The following TMEM108 variants were observed in gnomAD, a reference collection of about 807,000 sequenced individuals.
The protein encoded by TMEM108 is cancer/testis antigen 124.
In TMEM108, 12 loss-of-function variants were observed where a neutral mutation model predicts 35.1. That is an observed-to-expected ratio of 0.34 (90% confidence interval 0.22 to 0.55). The LOEUF is 0.55. Ranked by LOEUF, TMEM108 falls within the 20% of genes least tolerant of loss-of-function variation. The pLI, the probability that TMEM108 is intolerant of heterozygous loss-of-function variation, is 0.89. For synonymous variants in TMEM108, 287 were observed against 308.6 expected (o/e 0.93, Z 0.73); for missense variants, 680 against 753.3 (o/e 0.90, Z 1.14).
At chr3:133,041,969 C>T (rs912586708) in intron 1 of TMEM108, 2 of 152,218 alleles carry the variant, frequency 1.3e-5, no homozygotes, top group African/African-American at 4.8e-5. Context: ...ATTCTTAATT[C>T]GTTTCTTCTA....
intron 3 of TMEM108, among the ~76,000 whole-genome samples, chr3:133,335,111 C>A: frequency 6.6e-6 from 1 of 152,008 alleles, no homozygotes; most frequent in East Asian, 1.9e-4. Context: ...AAAATAAAAG[C>A]AATACAAGCA....
chr3:133,346,660 T>G lies in TMEM108; in HGVS notation c.41-33092T>G, dbSNP rs1465093276. 6.6e-6 allele frequency among the ~76,000 whole-genome samples: 1 copy of G among 152,094 alleles called. No individual in the cohort carries two copies. Among genetic ancestry groups the G allele is most frequent in the South Asian group, 2.1e-4 (1 of 4,834 alleles). Reference sequence around the variant, plus strand: ...AGTTTTAAATTTAATAAAGTCCAGCTTATCATTTTTTTCTTTCATAGGCTT... The same window carrying G: ...AGTTTTAAATTTAATAAAGTCCAGCGTATCATTTTTTTCTTTCATAGGCTT... On this transcript the variant is annotated intron_variant, in intron 3 of 5. Transcript: ENST00000321871. This position sits in a 1 kb window ranked among gnomAD's most constrained non-coding sequence, Gnocchi z 4.0.
intron 2 of TMEM108, among the ~76,000 whole-genome samples, chr3:133,057,789 A>G (rs1943488720): frequency 1.3e-5 from 2 of 152,204 alleles, no homozygotes; most frequent in Non-Finnish European, 2.9e-5. Flanking sequence ...CAGAAATATT[A>G]TCTAGTTTAA....
chr3:133,266,806 C>T (rs552366442), intron 3 of TMEM108, among the ~76,000 whole-genome samples: 34 of 151,688 alleles, frequency 2.2e-4, no homozygotes, highest in Non-Finnish European at 4.0e-4. Flanking sequence ...GGCGTGGTGG[C>T]TCATGCCTGT....
At chr3:133,236,334 A>G (rs1256610075) in intron 3 of TMEM108, among the ~76,000 whole-genome samples, 1 of 152,100 alleles carries the variant, frequency 6.6e-6, no homozygotes, top group Non-Finnish European at 1.5e-5. Flanking sequence ...GGAGGGGAAG[A>G]AGGAGAAAAA....
intron 2 of TMEM108, among the ~76,000 whole-genome samples, chr3:133,123,280 A>G (rs1944375990): frequency 6.6e-6 from 1 of 152,190 alleles, no homozygotes; most frequent in Admixed American, 6.5e-5. Context: ...TCTTGTTGCA[A>G]ACAATACTGC....
intron 2 of TMEM108, among the ~76,000 whole-genome samples, chr3:133,165,179 C>T (rs1576355123): frequency 6.6e-6 from 1 of 152,136 alleles, no homozygotes; most frequent in African/African-American, 2.4e-5. Flanking sequence ...ACTCTTCAGG[C>T]TCAAAAGAGA....
chr3:133,213,919 CT>C (rs889872389), intron 2 of TMEM108, among the ~76,000 whole-genome samples: 1 of 152,062 alleles, frequency 6.6e-6, no homozygotes, highest in African/African-American at 2.4e-5. Flanking sequence ...ATTTATACCC[CT>C]AAGAGTAATT....
Position 133,367,028 on chromosome 3 carries a change from C to T in TMEM108, c.41-12724C>T, listed in dbSNP as rs147051905. Among the ~76,000 whole-genome samples the T allele has an allele frequency of 2.2e-3, 329 of 152,298 alleles. 1 individual carries two copies. The highest frequency in any genetic ancestry group is 3.6e-3 in the Non-Finnish European group (245 of 68,020). On this transcript the variant is annotated intron_variant, in intron 3 of 5. Transcript: ENST00000321871. ...ATAGCATTTTCACTTAGCGCCCTCC[C>T]CCTAACAACCTCCACCTGTCAACTT... is the stretch of plus-strand genomic sequence containing the variant.
chr3:133,210,590 C>T (rs1286180607), intron 2 of TMEM108, among the ~76,000 whole-genome samples: 1 of 50,848 alleles, frequency 2.0e-5, no homozygotes, highest in Non-Finnish European at 3.4e-5. Context: ...TCTAGCCTTC[C>T]AGTCATCAAA....
At chr3:133,115,618 C>CA (rs1491282866) in intron 2 of TMEM108, among the ~76,000 whole-genome samples, 1 of 152,222 alleles carries the variant, frequency 6.6e-6, no homozygotes, top group African/African-American at 2.4e-5. Flanking sequence ...ATGCCTCTCT[C>CA]ACTGATCAGG....
At chr3:133,061,717 A>G (rs1001695234) in intron 2 of TMEM108, among the ~76,000 whole-genome samples, 1 of 152,130 alleles carries the variant, frequency 6.6e-6, no homozygotes, top group Non-Finnish European at 1.5e-5. Flanking sequence ...GTTCCCTAGG[A>G]ATTTAAAGTT....
chr3:133,083,589 C>G (rs2107700161), intron 2 of TMEM108, among the ~76,000 whole-genome samples: 1 of 152,254 alleles, frequency 6.6e-6, no homozygotes, highest in East Asian at 1.9e-4. Flanking sequence ...TTTGTTGTGT[C>G]TAATTCATTT....
chr3:133,298,639 A>T (rs911670773), intron 3 of TMEM108, among the ~76,000 whole-genome samples: 1 of 152,132 alleles, frequency 6.6e-6, no homozygotes, highest in African/African-American at 2.4e-5. Context: ...AATGCAGTTC[A>T]TTCTCATAAT....
At chr3:133,316,968 A>G (rs2071207469) in intron 3 of TMEM108, among the ~76,000 whole-genome samples, 1 of 152,228 alleles carries the variant, frequency 6.6e-6, no homozygotes, top group Non-Finnish European at 1.5e-5. Context: ...TCTGTAAGTA[A>G]AAGGGATCTG....
At chr3:133,209,648 C>A (rs1474220949) in intron 2 of TMEM108, among the ~76,000 whole-genome samples, 12 of 152,136 alleles carry the variant, frequency 7.9e-5, no homozygotes, top group Admixed American at 7.9e-4. Context: ...TGGCTATGGT[C>A]CCCAGCGGGG....
intron 2 of TMEM108, among the ~76,000 whole-genome samples, chr3:133,222,543 TC>T (rs1300986284): frequency 6.6e-5 from 10 of 152,102 alleles, no homozygotes; most frequent in African/African-American, 2.2e-4. Context: ...GCTCCACTAA[TC>T]CCATAAGCTC....
intron 3 of TMEM108, among the ~76,000 whole-genome samples, chr3:133,280,982 A>G (rs1227043258): frequency 6.6e-6 from 1 of 152,214 alleles, no homozygotes; most frequent in Non-Finnish European, 1.5e-5. Flanking sequence ...CACTTCTACC[A>G]TATTCTGTTG....
At chr3:133,143,886 A>C (rs1944674751) in intron 2 of TMEM108, among the ~76,000 whole-genome samples, 1 of 151,848 alleles carries the variant, frequency 6.6e-6, no homozygotes, top group East Asian at 1.9e-4. Context: ...TGATACTCTA[A>C]GTTACGAACA....
Sources: allele counts gnomAD v4.1 joint callset (sites outside exome capture counted in the v4.1 genomes callset), GRCh38; gene constraint gnomAD v4.1.1; non-coding constraint Gnocchi (gnomAD v3.1); transcripts MANE v1.5; gene names NCBI Gene and HGNC (gene_info 2026-07-23, HGNC 2026-07-21).